The following SLC24A2 variants were observed in gnomAD, a reference collection of about 807,000 sequenced individuals.
The protein encoded by SLC24A2 is sodium/potassium/calcium exchanger 2.
Under a neutral mutation model 62.0 loss-of-function variants are expected in SLC24A2, and 36 were observed. The observed-to-expected ratio is 0.58, with a 90% CI of 0.44 to 0.77. The LOEUF is 0.77. Ranked by LOEUF, SLC24A2 falls within the 30% of genes least tolerant of loss-of-function variation. SLC24A2 has a pLI of 0.00. For missense variants in SLC24A2, 846 were observed against 817.9 expected (o/e 1.03, Z -0.42); for synonymous variants, 358 against 294.0 (o/e 1.22, Z -2.23).
intron 2 of SLC24A2, among the ~76,000 whole-genome samples, chr9:19,667,051 T>C (rs1249855548): frequency 6.6e-6 from 1 of 152,226 alleles, no homozygotes; most frequent in Non-Finnish European, 1.5e-5. Flanking sequence ...GCTAAGATAC[T>C]CATAAATCTA....
At chr9:19,893,774 T>C in the SLC24A2 span, among the ~76,000 whole-genome samples, 1 of 152,056 alleles carries the variant, frequency 6.6e-6, no homozygotes, top group South Asian at 2.1e-4. Context: ...AAAATGTGAG[T>C]TGTATTTTCC....
At chr9:19,752,514 C>T (rs1220311007) in intron 2 of SLC24A2, among the ~76,000 whole-genome samples, 9 of 152,114 alleles carry the variant, frequency 5.9e-5, no homozygotes, top group East Asian at 1.9e-4. Flanking sequence ...CATGCAGTCA[C>T]GCAATCCTGG....
chr9:19,886,231 C>A, the SLC24A2 span, among the ~76,000 whole-genome samples: 3 of 152,204 alleles, frequency 2.0e-5, no homozygotes, highest in African/African-American at 7.2e-5. Context: ...TATAAGCATT[C>A]TCTTTTCTCC....
At chr9:19,569,480 G>C (rs1835778026) in intron 7 of SLC24A2, among the ~76,000 whole-genome samples, 1 of 152,150 alleles carries the variant, frequency 6.6e-6, no homozygotes, top group Admixed American at 6.5e-5. Flanking sequence ...GTCCAGACTG[G>C]TTGGCAGTGC....
the SLC24A2 span, among the ~76,000 whole-genome samples, chr9:20,239,731 A>G: frequency 6.6e-6 from 1 of 152,252 alleles, no homozygotes; most frequent in Non-Finnish European, 1.5e-5. Context: ...TATGTAAAAC[A>G]GAGCTTTACA....
the SLC24A2 span, among the ~76,000 whole-genome samples, chr9:19,799,736 G>A: frequency 7.2e-5 from 11 of 152,252 alleles, no homozygotes; most frequent in African/African-American, 2.4e-4. Flanking sequence ...TAATAATTTG[G>A]TGTTTATTTC....
chr9:20,214,563 C>T, the SLC24A2 span, among the ~76,000 whole-genome samples: 8 of 151,616 alleles, frequency 5.3e-5, no homozygotes, highest in Admixed American at 1.3e-4. Context: ...TGCAGTGAGC[C>T]GAGATCATGC....
the SLC24A2 span, among the ~76,000 whole-genome samples, chr9:20,276,173 G>A: frequency 0.017 from 2,607 of 152,284 alleles, 38 homozygotes; most frequent in Middle Eastern, 0.027. Flanking sequence ...AGTCTCATAT[G>A]AGACAAGCTA....
At chr9:19,798,940 T>C in the SLC24A2 span, among the ~76,000 whole-genome samples, 2 of 152,222 alleles carry the variant, frequency 1.3e-5, no homozygotes, top group African/African-American at 2.4e-5. Flanking sequence ...ATTACAATTA[T>C]GCACATATCC....
chr9:19,521,698 G>A (rs1833206660), intron 9 of SLC24A2, among the ~76,000 whole-genome samples: 1 of 152,136 alleles, frequency 6.6e-6, no homozygotes, highest in Admixed American at 6.5e-5. Flanking sequence ...TTTGCTTACT[G>A]TACCAATTAT....
chr9:20,140,341 G>C, the SLC24A2 span, among the ~76,000 whole-genome samples: 4 of 152,152 alleles, frequency 2.6e-5, no homozygotes, highest in Admixed American at 2.6e-4. Flanking sequence ...AAGCACTCAA[G>C]TGAAAGGTAA....
the SLC24A2 span, among the ~76,000 whole-genome samples, chr9:19,883,373 A>C: frequency 6.6e-6 from 1 of 152,206 alleles, no homozygotes; most frequent in East Asian, 1.9e-4. Flanking sequence ...AGAGTCTTAC[A>C]AATTTAATAG....
chr9:19,659,659 A>G (rs1819039717), intron 2 of SLC24A2, among the ~76,000 whole-genome samples: 1 of 152,170 alleles, frequency 6.6e-6, no homozygotes, highest in South Asian at 2.1e-4. Flanking sequence ...CCTGACGACT[A>G]GGGCTGCAGA....
the SLC24A2 span, among the ~76,000 whole-genome samples, chr9:19,917,393 C>A: frequency 6.7e-6 from 1 of 149,472 alleles, no homozygotes; most frequent in African/African-American, 2.4e-5. Flanking sequence ...CTTTTGCCTC[C>A]AGATAAATTT....
chr9:19,741,715 G>C (rs1345118824), intron 2 of SLC24A2, among the ~76,000 whole-genome samples: 1 of 152,090 alleles, frequency 6.6e-6, no homozygotes, highest in Admixed American at 6.6e-5. Context: ...AATGGGTCTT[G>C]ACTGACACAA....
the SLC24A2 span, among the ~76,000 whole-genome samples, chr9:19,814,691 T>A: frequency 6.6e-6 from 1 of 152,194 alleles, no homozygotes; most frequent in African/African-American, 2.4e-5. Flanking sequence ...TGACAAAATA[T>A]AGTTTCTTGA....
At chr9:19,716,032 A>G (rs1025598147) in intron 2 of SLC24A2, among the ~76,000 whole-genome samples, 5 of 152,202 alleles carry the variant, frequency 3.3e-5, no homozygotes, top group African/African-American at 7.2e-5. Flanking sequence ...ACAACTTACA[A>G]AATTAGAGGC....
the SLC24A2 span, among the ~76,000 whole-genome samples, chr9:20,230,505 T>G: frequency 6.6e-6 from 1 of 152,240 alleles, no homozygotes; most frequent in African/African-American, 2.4e-5. Flanking sequence ...CATTTTTTCA[T>G]GTGTCTTTTG....
chr9:19,776,086 T>C (rs1822837447), intron 2 of SLC24A2, among the ~76,000 whole-genome samples: 1 of 152,208 alleles, frequency 6.6e-6, no homozygotes. Context: ...TATGTATGTG[T>C]GCATGCATGT....
Sources: gnomAD v4.1 joint callset for allele counts (sites outside exome capture counted in the v4.1 genomes callset) on GRCh38, gnomAD v4.1.1 for gene constraint, MANE v1.5 for transcripts, NCBI Gene and HGNC (gene_info 2026-07-23, HGNC 2026-07-21) for gene names.